DTHD1: variants seen among roughly 807,000 people sequenced by gnomAD.
DTHD1 encodes the protein death domain containing 1.
In DTHD1, 59 loss-of-function variants were observed where a neutral mutation model predicts 74.8. The observed-to-expected ratio is 0.79, with a 90% CI of 0.64 to 0.98. The LOEUF (loss-of-function observed/expected upper bound fraction) is 0.98, where lower values mean the gene tolerates loss of function less well. Ranked by LOEUF, DTHD1 falls within the 50% of genes least tolerant of loss-of-function variation. DTHD1 has a pLI of 0.00. For synonymous variants in DTHD1, 365 were observed against 371.1 expected (o/e 0.98, Z 0.19); for missense variants, 1,051 against 1,065.4 (o/e 0.99, Z 0.19).
chr4:36,281,746 T>C lies in DTHD1; in HGVS notation c.-13T>C. On this transcript the variant is annotated 5_prime_UTR_variant, in exon 1 of 10. Transcript: ENST00000639862. ...TGCTGGCAGGAGAGAAAATACCACT[T>C]TTGGATCATAAAATGGATATGGAAT... 6 of 1,235,576 alleles carry C rather than the reference T, an allele frequency of 4.9e-6. No individual in the cohort carries two copies. The highest frequency in any genetic ancestry group is 6.1e-6 in the Non-Finnish European group (6 of 988,848). 76.5% of individuals were successfully genotyped at this position (1,235,576 alleles called of 1,614,324 possible).
chr4:36,343,735 A>T lies in DTHD1; in HGVS notation c.2632A>T (p.Arg878Trp). 6.4e-7 allele frequency: 1 copy of T among 1,551,598 alleles called. No homozygotes were observed. The highest frequency in any genetic ancestry group is 1.2e-5 in the South Asian group (1 of 84,064). Residue 878 changes from arginine to tryptophan, a missense_variant, in exon 10 of 10, where the codon AGG becomes TGG. Arg to Trp is a moderately radical substitution (Grantham distance 101). Transcript: ENST00000639862. ...GGCTCGACATCTCCGCAAGATTGGCAGGAGTGATCTTGCAGAAGAGCTCAA... is the reference window on the plus strand; with the variant it reads ...GGCTCGACATCTCCGCAAGATTGGCTGGAGTGATCTTGCAGAAGAGCTCAA... ...LLARHLRKIGRSDLAEELKFK... is the reference protein window; with the variant it reads ...LLARHLRKIGWSDLAEELKFK...
At chr4:36,334,190 A>G (rs1011415624) in intron 8 of DTHD1, among the ~76,000 whole-genome samples, 2 of 151,926 alleles carry the variant, frequency 1.3e-5, no homozygotes, top group Non-Finnish European at 1.5e-5. Flanking sequence ...GGCTTTTTCT[A>G]TGTGCACTCA....
chr4:36,333,138 T>G (rs1758795703), intron 8 of DTHD1, among the ~76,000 whole-genome samples: 1 of 152,074 alleles, frequency 6.6e-6, no homozygotes, highest in Non-Finnish European at 1.5e-5. Context: ...TATATATGAA[T>G]GTATTAAATA....
chr4:36,322,958 G>A lies in DTHD1; in HGVS notation c.2340+6472G>A, dbSNP rs554924617. ...CGTGCGTCTGAAGTCACGCCAGATA[G>A]GTGACTATATGCCATTTGCTTATTT... On this transcript the variant is annotated intron_variant, in intron 8 of 9. Coordinates refer to ENST00000639862, the MANE Select transcript of DTHD1 (RefSeq NM_001170700.3). 3.3e-5 allele frequency among the ~76,000 whole-genome samples: 5 copies of A among 152,300 alleles called. No homozygotes were observed. The East Asian group carries it at 7.7e-4, about 24-fold the overall frequency.
intron 2 of DTHD1, among the ~76,000 whole-genome samples, chr4:36,285,213 G>C (rs1389686216): frequency 2.6e-5 from 4 of 152,074 alleles, no homozygotes; most frequent in Non-Finnish European, 5.9e-5. Context: ...GTTAAAATGA[G>C]CAATTGTCCA....
chr4:36,281,955 C>T lies in DTHD1; in HGVS notation c.197C>T (p.Ser66Leu). ...CTTCACCAGCTGCTGGAGCACACCT[C>T]AGGCACCCTGCGTTCCACCTGCCAG... The part of the protein sequence containing the change: ...SALHQLLEHT[S>L]GTLRSTCQQL... Residue 66 changes from serine to leucine, a missense_variant, in exon 1 of 10, where the codon TCA becomes TTA. Physicochemically the swap from Ser to Leu is moderately radical, Grantham distance 145 (BLOSUM62 -2). Coordinates refer to ENST00000639862, the MANE Select transcript of DTHD1 (RefSeq NM_001170700.3). 1 of 1,460,520 alleles carries T rather than the reference C, an allele frequency of 6.8e-7. No homozygotes were observed. Among genetic ancestry groups the T allele is most frequent in the Non-Finnish European group, 9.1e-7 (1 of 1,100,080 alleles). The allele number at this position is 1,460,520 out of a possible 1,614,324, so 90.5% of individuals were successfully genotyped here. A position where few individuals can be genotyped will look rare whatever the true frequency, so the allele number is the denominator to read the frequency against.
chr4:36,309,262 C>G (rs1385966768), intron 7 of DTHD1, among the ~76,000 whole-genome samples: 1 of 152,142 alleles, frequency 6.6e-6, no homozygotes, highest in Non-Finnish European at 1.5e-5. Context: ...ATAGTGAAAC[C>G]TCGTCTCTAT....
At position 36,344,918 on chromosome 4, in the gene DTHD1, C is replaced by T. The variant is rs1159799705; in HGVS notation, c.*1094C>T. On this transcript the variant is annotated 3_prime_UTR_variant, in exon 10 of 10. Coordinates refer to ENST00000639862, the MANE Select transcript of DTHD1 (RefSeq NM_001170700.3). The stretch of plus-strand genomic sequence containing the variant: ...AAAGACTTGATGTCGGTGGTAGTAA[C>T]TCACTTTAAAAAAACCTTTCTAAGC... 1 of 151,976 alleles carries T rather than the reference C, an allele frequency of 6.6e-6. No individual in the cohort carries two copies. The highest frequency in any genetic ancestry group is 1.5e-5 in the Non-Finnish European group (1 of 67,966). 9.4% of individuals were successfully genotyped at this position (151,976 alleles called of 1,614,324 possible).
At chr4:36,343,432 G>A (rs1759429701) in intron 9 of DTHD1, 70 bp from the exon 10 acceptor site, 1 of 1,404,650 alleles carries the variant, frequency 7.1e-7, no homozygotes, top group Non-Finnish European at 9.6e-7. Flanking sequence ...ATAAACAGGT[G>A]TGGAGGGTTA....
Position 36,282,039 on chromosome 4 carries a change from C to CTT in DTHD1, c.271+17_271+18dup. On this transcript the variant is annotated intron_variant, in intron 1 of 9. Coordinates refer to ENST00000639862, the MANE Select transcript of DTHD1 (RefSeq NM_001170700.3). ...TGTGTCTCGAGAAAAGGCAAGTATT[C>CTT]TTTTTTTTAGTTTATTCTTTCTCTA... The CTT allele has an allele frequency of 1.3e-6, 2 of 1,519,154 alleles. No individual in the cohort carries two copies. The allele number at this position is 1,519,154 out of a possible 1,614,324, so 94.1% of individuals were successfully genotyped here. A position where few individuals can be genotyped will look rare whatever the true frequency, so the allele number is the denominator to read the frequency against.
chr4:36,344,226 A>G lies in DTHD1; in HGVS notation c.*402A>G, dbSNP rs1248898127. ...AAGTGTGAGCCCAAAAATATCTGAG[A>G]CAGTTCTCAATCAATTTAGAAAGAT... is the stretch of plus-strand genomic sequence containing the variant. On this transcript the variant is annotated 3_prime_UTR_variant, in exon 10 of 10. Coordinates refer to ENST00000639862, the MANE Select transcript of DTHD1 (RefSeq NM_001170700.3). 5.7e-6 allele frequency: 1 copy of G among 176,018 alleles called. No homozygotes were observed. Among genetic ancestry groups the G allele is most frequent in the Non-Finnish European group, 1.2e-5 (1 of 81,696 alleles). 10.9% of individuals were successfully genotyped at this position (176,018 alleles called of 1,614,324 possible). A position where few individuals can be genotyped will look rare whatever the true frequency, so the allele number is the denominator to read the frequency against.
At chr4:36,320,446 T>C (rs1206529040) in intron 8 of DTHD1, among the ~76,000 whole-genome samples, 1 of 152,222 alleles carries the variant, frequency 6.6e-6, no homozygotes, top group Non-Finnish European at 1.5e-5. Context: ...AAATTGATAA[T>C]CCTGAAACTA....
chr4:36,330,326 T>G (rs28693053), intron 8 of DTHD1, among the ~76,000 whole-genome samples: 1,827 of 152,306 alleles, frequency 0.012, 25 homozygotes, highest in African/African-American at 0.042. Context: ...TCATGTTACA[T>G]ACAAATGTTA....
At chr4:36,323,872 C>T (rs758835200) in intron 8 of DTHD1, among the ~76,000 whole-genome samples, 1 of 152,116 alleles carries the variant, frequency 6.6e-6, no homozygotes, top group African/African-American at 2.4e-5. Context: ...AAAATCTTCT[C>T]ACTCTTTCCA....
chr4:36,333,190 T>C (rs1276215199), intron 8 of DTHD1, among the ~76,000 whole-genome samples: 1 of 152,020 alleles, frequency 6.6e-6, no homozygotes, highest in Non-Finnish European at 1.5e-5. Context: ...ATATTACACA[T>C]TATTATATAG....
intron 8 of DTHD1, among the ~76,000 whole-genome samples, chr4:36,324,453 A>G (rs966382198): frequency 1.3e-5 from 2 of 152,364 alleles, no homozygotes; most frequent in Admixed American, 1.3e-4. Flanking sequence ...TTAAAATTTC[A>G]TTGATGTGTT....
At chr4:36,319,357 G>T (rs377192774) in intron 8 of DTHD1, among the ~76,000 whole-genome samples, 1 of 152,294 alleles carries the variant, frequency 6.6e-6, no homozygotes, top group African/African-American at 2.4e-5. Flanking sequence ...TGACTTGAAG[G>T]AATACTCAAA....
Position 36,294,996 on chromosome 4 carries a change from G to A in DTHD1, c.1600G>A (p.Ala534Thr). ...LGSEIDHKRR[A>T]SATINRITPS... ...TTCTGAGATAGATCATAAAAGAAGA[G>A]CAAGTGCCACAATAAATAGGATTAC... The change falls in exon 5 of 10, where the codon GCA becomes ACA. Residue 534 changes from alanine to threonine, a missense_variant. Physicochemically the swap from Ala to Thr is moderately conservative, Grantham distance 58. Transcript: ENST00000639862. 6.4e-7 allele frequency: 1 copy of A among 1,550,734 alleles called. No homozygotes were observed. Among genetic ancestry groups the A allele is most frequent in the African/African-American group, 1.4e-5 (1 of 73,120 alleles).
chr4:36,309,268 T>C (rs1757240868), intron 7 of DTHD1, among the ~76,000 whole-genome samples: 1 of 152,140 alleles, frequency 6.6e-6, no homozygotes, highest in African/African-American at 2.4e-5. Flanking sequence ...AAACCTCGTC[T>C]CTATTCAAAA....
Sources: allele counts gnomAD v4.1 joint callset (sites outside exome capture counted in the v4.1 genomes callset), GRCh38; gene constraint gnomAD v4.1.1; transcripts MANE v1.5; gene names NCBI Gene and HGNC (gene_info 2026-07-23, HGNC 2026-07-21).